The following RNF144A variants were observed in gnomAD, a reference collection of about 807,000 sequenced individuals.
The protein encoded by RNF144A is E3 ubiquitin-protein ligase RNF144A.
RNF144A carries 11 observed loss-of-function variants against 38.7 expected under a neutral mutation model. The ratio of observed to expected loss-of-function variants is 0.28; its 90% confidence interval spans 0.18 to 0.47. The LOEUF is 0.47. Among genes scored for constraint, RNF144A ranks in the 20% least tolerant of loss-of-function variants. The probability of loss-of-function intolerance (pLI) is 0.99; values close to 1 mark genes in which losing one functional copy is unlikely to be tolerated. For missense variants in RNF144A, 316 were observed against 377.2 expected (o/e 0.84, Z 1.34); for synonymous variants, 149 against 143.9 (o/e 1.04, Z -0.25).
intron 2 of RNF144A, among the ~76,000 whole-genome samples, chr2:6,951,304 A>AT (rs756817181): frequency 9.4e-5 from 13 of 138,548 alleles, no homozygotes; most frequent in Non-Finnish European, 2.0e-4. Context: ...TGTCTCCTTT[A>AT]TTAACTTGGT....
intron 8 of RNF144A, among the ~76,000 whole-genome samples, chr2:7,036,078 C>T (rs1012023585): frequency 8.5e-5 from 13 of 152,180 alleles, no homozygotes; most frequent in Non-Finnish European, 1.6e-4. Context: ...TGCTGTGAGC[C>T]GCACCTGTGC....
intron 2 of RNF144A, among the ~76,000 whole-genome samples, chr2:6,990,374 C>A (rs1669252856): frequency 1.5e-5 from 2 of 137,346 alleles, no homozygotes; most frequent in Non-Finnish European, 3.1e-5. Context: ...TTCCTAAAGA[C>A]TATATATATT....
At chr2:7,032,877 A>G (rs1245925094) in intron 8 of RNF144A, among the ~76,000 whole-genome samples, 2 of 152,244 alleles carry the variant, frequency 1.3e-5, no homozygotes, top group African/African-American at 4.8e-5. Flanking sequence ...CCCACGCAGC[A>G]TAGAAACTGC....
At chr2:6,932,287 T>G (rs940880615) in intron 1 of RNF144A, among the ~76,000 whole-genome samples, 2 of 152,252 alleles carry the variant, frequency 1.3e-5, no homozygotes, top group Non-Finnish European at 2.9e-5. Flanking sequence ...CCCTTTATTT[T>G]TAACATGAAT....
chr2:7,020,610 A>G lies in RNF144A; in HGVS notation c.439A>G (p.Lys147Glu). The change falls in exon 6 of 9, where the codon AAA becomes GAA. Residue 147 changes from lysine to glutamate, a missense_variant. Transcript: ENST00000320892. ...ACRMEFCSTC[K>E]ASWHPGQGCP... is the part of the protein sequence containing the mutation. ...CCGTATGGAATTCTGCTCCACCTGC[A>G]AAGCCAGCTGGCACCCTGGCCAGGG... is the stretch of plus-strand genomic sequence containing the variant. 1 of 1,610,950 alleles carries G rather than the reference A, an allele frequency of 6.2e-7. No homozygotes were observed. Among genetic ancestry groups the G allele is most frequent in the African/African-American group, 1.3e-5 (1 of 75,046 alleles).
At chr2:7,036,119 G>A (rs1213844049) in intron 8 of RNF144A, among the ~76,000 whole-genome samples, 1 of 152,194 alleles carries the variant, frequency 6.6e-6, no homozygotes, top group Non-Finnish European at 1.5e-5. Flanking sequence ...TGCATTCGCT[G>A]TGCACACGAT....
chr2:6,973,967 A>G (rs1475086611), intron 2 of RNF144A, among the ~76,000 whole-genome samples: 1 of 152,202 alleles, frequency 6.6e-6, no homozygotes, highest in African/African-American at 2.4e-5. Flanking sequence ...CCACACTGTT[A>G]CTGGACTTCA....
chr2:6,930,089 A>C (rs1665108906), intron 1 of RNF144A, among the ~76,000 whole-genome samples: 1 of 152,272 alleles, frequency 6.6e-6, no homozygotes, highest in African/African-American at 2.4e-5. Context: ...AAGAGATGAT[A>C]CTAAATGTGG....
chr2:6,973,556 T>G (rs1371965903), intron 2 of RNF144A, among the ~76,000 whole-genome samples: 1 of 152,222 alleles, frequency 6.6e-6, no homozygotes, highest in Non-Finnish European at 1.5e-5. Context: ...GCACACTGGC[T>G]GCAGGAAGAT....
chr2:7,029,693 A>G (rs1672152499), intron 7 of RNF144A, among the ~76,000 whole-genome samples: 1 of 152,252 alleles, frequency 6.6e-6, no homozygotes, highest in Admixed American at 6.5e-5. Flanking sequence ...GGAAGATGCC[A>G]GGGCAGAGGG....
chr2:7,068,403 A>T (rs1278490464), downstream of RNF144A: 1 of 446,262 alleles, frequency 2.2e-6, no homozygotes, highest in Non-Finnish European at 4.1e-6. Context: ...TGGGCATTAT[A>T]GAAGAAAGAA....
At chr2:6,996,685 C>T (rs746676856) in intron 2 of RNF144A, 21 of 482,538 alleles carry the variant, frequency 4.4e-5, no homozygotes, top group South Asian at 1.4e-4. Flanking sequence ...ACCCATGAGG[C>T]GGAGGTTGCA....
chr2:6,974,895 T>C (rs1000257479), intron 2 of RNF144A, among the ~76,000 whole-genome samples: 8 of 152,346 alleles, frequency 5.3e-5, no homozygotes, highest in African/African-American at 1.9e-4. Context: ...CTAAAATACA[T>C]TTCCTAACCT....
At chr2:7,032,036 A>G (rs1234289347) in intron 8 of RNF144A, among the ~76,000 whole-genome samples, 1 of 152,278 alleles carries the variant, frequency 6.6e-6, no homozygotes, top group Non-Finnish European at 1.5e-5. Flanking sequence ...CACAGGAATT[A>G]TGTCCCAATA....
intron 2 of RNF144A, among the ~76,000 whole-genome samples, chr2:6,974,711 A>C (rs1345944118): frequency 1.3e-5 from 2 of 152,200 alleles, no homozygotes; most frequent in African/African-American, 2.4e-5. Context: ...CTTGACAGGC[A>C]GGTGCATCAA....
rs1189029259 is a variant in RNF144A, at chr2:6,947,670, T to C, written c.-12+6523T>C. Among the ~76,000 whole-genome samples, 3 of 152,338 alleles carry C rather than the reference T, an allele frequency of 2.0e-5. No homozygotes were observed. The East Asian group carries it at 5.8e-4, about 29-fold the overall frequency. On this transcript the variant is annotated intron_variant, in intron 2 of 8. Coordinates refer to ENST00000320892, the MANE Select transcript of RNF144A (RefSeq NM_014746.6). The stretch of plus-strand genomic sequence containing the variant: ...ATTTTTTTGATGGCAACTGGGGGCA[T>C]GCAAAGGGCCTGAGTAGTTTTTAAA...
intron 3 of RNF144A, among the ~76,000 whole-genome samples, chr2:6,998,572 T>C (rs1297821960): frequency 6.6e-6 from 1 of 152,196 alleles, no homozygotes; most frequent in Non-Finnish European, 1.5e-5. Context: ...TCTCACAGAT[T>C]GAAATGAAGT....
chr2:6,950,537 T>G (rs905205641), intron 2 of RNF144A, among the ~76,000 whole-genome samples: 4 of 152,236 alleles, frequency 2.6e-5, no homozygotes, highest in Non-Finnish European at 4.4e-5. Flanking sequence ...AATTTTTTTC[T>G]TGATTATATA....
intron 3 of RNF144A, among the ~76,000 whole-genome samples, chr2:7,005,380 G>A (rs1392393233): frequency 1.3e-5 from 2 of 152,218 alleles, no homozygotes; most frequent in African/African-American, 4.8e-5. Flanking sequence ...GTTCAGAGAT[G>A]CGTGAATCCA....
Sources: gnomAD v4.1 joint callset for allele counts (sites outside exome capture counted in the v4.1 genomes callset) on GRCh38, gnomAD v4.1.1 for gene constraint, MANE v1.5 for transcripts, NCBI Gene and HGNC (gene_info 2026-07-23, HGNC 2026-07-21) for gene names.